The following KCTD2 variants were observed in gnomAD, a reference collection of about 807,000 sequenced individuals.
KCTD2 encodes BTB/POZ domain-containing protein KCTD2.
KCTD2 carries 18 observed loss-of-function variants against 27.9 expected under a neutral mutation model. That is an observed-to-expected ratio of 0.64 (90% CI 0.45 to 0.96). The LOEUF is 0.96. Among genes scored for constraint, KCTD2 ranks in the 40% least tolerant of loss-of-function variants. The pLI is 0.00. For missense variants in KCTD2, 280 were observed against 348.0 expected (o/e 0.80, Z 1.56); for synonymous variants, 175 against 148.4 (o/e 1.18, Z -1.30).
upstream of KCTD2, chr17:75,042,656 G>A: frequency 6.3e-7 from 1 of 1,591,946 alleles, no homozygotes; most frequent in Non-Finnish European, 8.5e-7. Context: ...GCCATTTTGG[G>A]ATCCTGAAAA....
chr17:75,042,791 G>T, upstream of KCTD2: 2 of 939,652 alleles, frequency 2.1e-6, no homozygotes, highest in Non-Finnish European at 3.1e-6. Context: ...GTCTTCACAA[G>T]AATCACTTGA....
At chr17:75,057,120 AT>A (rs2073358467) in intron 3 of KCTD2, among the ~76,000 whole-genome samples, 1 of 151,512 alleles carries the variant, frequency 6.6e-6, no homozygotes, top group South Asian at 2.1e-4. Flanking sequence ...CGCCCGGCTA[AT>A]TTTTGTATTT....
chr17:75,050,634 G>A (rs1035328088), intron 2 of KCTD2, among the ~76,000 whole-genome samples: 1 of 152,076 alleles, frequency 6.6e-6, no homozygotes, highest in Non-Finnish European at 1.5e-5. Flanking sequence ...ATCCCCTCAA[G>A]CATTTATCCT....
At chr17:75,036,276 C>G (rs1304769547) in intron 3 of KCTD2, among the ~76,000 whole-genome samples, 2 of 152,070 alleles carry the variant, frequency 1.3e-5, no homozygotes, top group African/African-American at 4.8e-5. Flanking sequence ...GCGCCCGCCA[C>G]CACACTGGCT....
intron 3 of KCTD2, chr17:75,039,574 G>A (rs1214444140): frequency 1.6e-5 from 6 of 366,606 alleles, no homozygotes; most frequent in East Asian, 5.3e-5. Context: ...GTCAGGACAC[G>A]CCACCTGAGC....
intron 1 of KCTD2, chr17:75,048,855 T>G (rs2073256066): frequency 6.2e-6 from 1 of 161,842 alleles, no homozygotes; most frequent in South Asian, 1.9e-4. Flanking sequence ...AGATTTCAGT[T>G]ACACAGCTAC....
chr17:75,060,417 C>G (rs1319360422), intron 4 of KCTD2: 3 of 1,589,458 alleles, frequency 1.9e-6, no homozygotes, highest in Non-Finnish European at 2.6e-6. Flanking sequence ...TGGTTCACTT[C>G]AATTTCAAAA....
intron 3 of KCTD2, chr17:75,041,870 C>T (rs567944651): frequency 1.7e-3 from 393 of 235,106 alleles, no homozygotes; most frequent in Non-Finnish European, 2.8e-3. Context: ...CTCCCAGGAG[C>T]GGGGGACCAC....
intron 4 of KCTD2, 61 bp downstream of exon 4, chr17:75,059,666 A>G: frequency 7.5e-7 from 1 of 1,335,538 alleles, no homozygotes; most frequent in South Asian, 1.2e-5. Context: ...AGCTCTTCAA[A>G]CAATCAGTGT....
chr17:75,037,402 C>A (rs1240569426), intron 3 of KCTD2, among the ~76,000 whole-genome samples: 1 of 151,266 alleles, frequency 6.6e-6, no homozygotes, highest in Non-Finnish European at 1.5e-5. Context: ...CCTGCGTAGA[C>A]CATGCAGACT....
chr17:75,042,031 TCAATCGACCA>T (rs2073166465), intron 3 of KCTD2: 1 of 635,014 alleles, frequency 1.6e-6, no homozygotes, highest in African/African-American at 1.8e-5. Flanking sequence ...TATTTACAGT[TCAATCGACCA>T]CAAGGCCTTT....
chr17:75,042,757 C>T, upstream of KCTD2: 5 of 1,242,722 alleles, frequency 4.0e-6, no homozygotes, highest in Non-Finnish European at 5.6e-6. Context: ...TAGAGAGAAT[C>T]CTTTAAATCT....
Position 75,053,735 on chromosome 17 carries a change from G to A in KCTD2, c.540+630G>A, listed in dbSNP as rs530974857. 1.4e-3 allele frequency among the ~76,000 whole-genome samples: 211 copies of A among 151,776 alleles called. 1 individual carries two copies. The highest frequency in any genetic ancestry group is 4.7e-3 in the African/African-American group (194 of 41,382). Reference sequence around the variant, plus strand: ...TGGGATTACAGGCGTGAGGCACTGCGCCCAGCTTGGCCACTCTTTATGGAG... The same window carrying A: ...TGGGATTACAGGCGTGAGGCACTGCACCCAGCTTGGCCACTCTTTATGGAG... On this transcript the variant is annotated intron_variant, in intron 3 of 5. Transcript: ENST00000322444.
chr17:75,057,882 G>GA (rs1416537515), intron 3 of KCTD2, among the ~76,000 whole-genome samples: 5 of 151,598 alleles, frequency 3.3e-5, no homozygotes, highest in African/African-American at 1.2e-4. Flanking sequence ...TCTTTTGGAA[G>GA]AAAACATAGA....
At chr17:75,043,469 C>G (rs1041020624), upstream of KCTD2, among the ~76,000 whole-genome samples, 2 of 151,986 alleles carry the variant, frequency 1.3e-5, no homozygotes, top group Non-Finnish European at 1.5e-5. Context: ...AAAAATTAGC[C>G]GGGCGTGATG....
chr17:75,052,626 G>A (rs2144930390), intron 2 of KCTD2, among the ~76,000 whole-genome samples: 1 of 152,338 alleles, frequency 6.6e-6, no homozygotes, highest in African/African-American at 2.4e-5. Flanking sequence ...GGAAGGCTGA[G>A]GCAGCAGAAT....
intron 3 of KCTD2, chr17:75,039,189 C>T (rs371155959): frequency 2.3e-5 from 37 of 1,613,724 alleles, no homozygotes; most frequent in Middle Eastern, 3.3e-4. Flanking sequence ...TTATAGGCAA[C>T]GGCTACCCAT....
intron 3 of KCTD2, chr17:75,035,432 T>C (rs1290389575): frequency 1.3e-5 from 2 of 152,106 alleles, no homozygotes; most frequent in African/African-American, 4.8e-5. Context: ...AACATTCGCC[T>C]CGTAAACGTG....
chr17:75,062,699 A>ACACACACACAC (rs1555642380), intron 5 of KCTD2, among the ~76,000 whole-genome samples: 8 of 115,986 alleles, frequency 6.9e-5, no homozygotes, highest in Non-Finnish European at 9.2e-5. Context: ...CCTCACCCCC[A>ACACACACACAC]ACACACACAC....
Sources: allele counts gnomAD v4.1 joint callset (sites outside exome capture counted in the v4.1 genomes callset), GRCh38; gene constraint gnomAD v4.1.1; transcripts MANE v1.5; gene names NCBI Gene and HGNC (gene_info 2026-07-23, HGNC 2026-07-21).